GRIN2A: variants seen among roughly 807,000 people sequenced by gnomAD.
GRIN2A encodes glutamate ionotropic receptor NMDA type subunit 2A, also known as glutamate receptor ionotropic, NMDA 2A.
GRIN2A carries 22 observed loss-of-function variants against 113.4 expected under a neutral mutation model. The ratio of observed to expected loss-of-function variants is 0.19; its 90% CI spans 0.14 to 0.28. The LOEUF is 0.28. GRIN2A is among the 10% of genes least tolerant of loss of function. GRIN2A has a pLI of 1.00. For synonymous variants in GRIN2A, 827 were observed against 738.4 expected (o/e 1.12, Z -1.94); for missense variants, 1,502 against 1,887.0 (o/e 0.80, Z 3.78).
At chr16:10,173,062 CCT>C (rs1411777818) in intron 2 of GRIN2A, among the ~76,000 whole-genome samples, 1 of 152,158 alleles carries the variant, frequency 6.6e-6, no homozygotes, top group African/African-American at 2.4e-5. Flanking sequence ...GTCAGCAACC[CCT>C]GAGGGCTACT....
In GRIN2A at chr16:10,116,904, C is replaced by T. The variant is rs1471435879; in HGVS notation, c.414+63094G>A. On this transcript the variant is annotated intron_variant, in intron 2 of 12. Coordinates refer to ENST00000330684, the MANE Select transcript of GRIN2A (RefSeq NM_001134407.3). ...CAAACACAATCGTATGGCCAGAGAA[C>T]ATTCTTAGGCAGAGAGATGCCTGTG... Among the ~76,000 whole-genome samples, 9 of 152,166 alleles carry T rather than the reference C, an allele frequency of 5.9e-5. No individual in the cohort carries two copies. The East Asian group carries it at 1.7e-3, about 29-fold the overall frequency.
At chr16:9,867,326 A>G (rs114338914) in intron 4 of GRIN2A, among the ~76,000 whole-genome samples, 1,849 of 152,234 alleles carry the variant, frequency 0.012, 56 homozygotes, top group African/African-American at 0.043. Flanking sequence ...AAACTATTTC[A>G]AACCTTCACA....
At chr16:9,863,699 C>T (rs1212564478) in intron 4 of GRIN2A, among the ~76,000 whole-genome samples, 2 of 152,160 alleles carry the variant, frequency 1.3e-5, no homozygotes, top group African/African-American at 2.4e-5. Context: ...TTCTCCCTTG[C>T]CTCTGTGGTC....
chr16:10,020,322 GA>G (rs911559961), intron 2 of GRIN2A, among the ~76,000 whole-genome samples: 37 of 152,292 alleles, frequency 2.4e-4, no homozygotes, highest in African/African-American at 8.7e-4. Flanking sequence ...GAGGCTCATT[GA>G]AACTCTTTGG....
chr16:9,962,934 T>A (rs1217907377), intron 2 of GRIN2A, among the ~76,000 whole-genome samples: 1 of 151,948 alleles, frequency 6.6e-6, no homozygotes, highest in African/African-American at 2.4e-5. Context: ...TGGAATACTA[T>A]GCAGCCATAA....
intron 2 of GRIN2A, among the ~76,000 whole-genome samples, chr16:10,105,384 G>C (rs2048478266): frequency 6.6e-6 from 1 of 152,130 alleles, no homozygotes; most frequent in Admixed American, 6.5e-5. Context: ...ATCTGGCCAA[G>C]AGAGTTGTGG....
rs1011585718 is a variant in GRIN2A at position 9,759,061 on chromosome 16, G to A, written c.*4088C>T. The A allele has an allele frequency of 9.1e-6, 2 of 219,586 alleles. No homozygotes were observed. Among genetic ancestry groups the A allele is most frequent in the Non-Finnish European group, 1.8e-5 (2 of 109,542 alleles). 13.6% of individuals were successfully genotyped at this position (219,586 alleles called of 1,614,324 possible). A position where few individuals can be genotyped will look rare whatever the true frequency, so the allele number is the denominator to read the frequency against. ...GAAACAACGCATGTCCCCTTTTCAAGGATTCATGCACAACAGCTATGCACA... is the reference window on the plus strand; with the variant it reads ...GAAACAACGCATGTCCCCTTTTCAAAGATTCATGCACAACAGCTATGCACA... On this transcript the variant is annotated 3_prime_UTR_variant, in exon 13 of 13. Transcript: ENST00000330684.
intron 2 of GRIN2A, among the ~76,000 whole-genome samples, chr16:10,025,639 G>A (rs1434291115): frequency 6.6e-6 from 1 of 152,040 alleles, no homozygotes; most frequent in South Asian, 2.1e-4. Context: ...CAAGGAGGCT[G>A]GAATACCACC....
intron 3 of GRIN2A, among the ~76,000 whole-genome samples, chr16:9,935,618 C>T (rs911169731): frequency 6.6e-6 from 1 of 151,064 alleles, no homozygotes; most frequent in Non-Finnish European, 1.5e-5. Flanking sequence ...AGTCCTAAAG[C>T]CTTCCAGAAA....
chr16:9,958,680 G>C (rs2045361331), intron 2 of GRIN2A, among the ~76,000 whole-genome samples: 2 of 152,094 alleles, frequency 1.3e-5, no homozygotes, highest in Admixed American at 1.3e-4. Context: ...CTGTGTATTA[G>C]GTTTCAGTTG....
intron 2 of GRIN2A, among the ~76,000 whole-genome samples, chr16:10,079,444 T>C (rs186102359): frequency 4.6e-5 from 7 of 152,134 alleles, no homozygotes; most frequent in Admixed American, 6.5e-5. Flanking sequence ...GGTCTGAATG[T>C]CTGTATCCCT....
chr16:10,001,096 T>C (rs1567227280), intron 2 of GRIN2A, among the ~76,000 whole-genome samples: 2 of 152,160 alleles, frequency 1.3e-5, no homozygotes, highest in Admixed American at 6.5e-5. Context: ...TGGGCCCCAA[T>C]TGTCCTGGGC....
intron 4 of GRIN2A, among the ~76,000 whole-genome samples, chr16:9,862,625 A>G (rs2043090537): frequency 6.6e-6 from 1 of 152,180 alleles, no homozygotes; most frequent in Non-Finnish European, 1.5e-5. Flanking sequence ...TTGTTGCCAG[A>G]TCCCTGGGGA....
chr16:9,956,398 C>T (rs757094240), intron 2 of GRIN2A, among the ~76,000 whole-genome samples: 14 of 152,148 alleles, frequency 9.2e-5, no homozygotes, highest in Non-Finnish European at 1.5e-4. Flanking sequence ...AGGAAACTCA[C>T]TTCATTTCAC....
intron 2 of GRIN2A, among the ~76,000 whole-genome samples, chr16:9,993,057 A>C (rs1015345581): frequency 8.4e-6 from 1 of 119,034 alleles, no homozygotes; most frequent in Non-Finnish European, 1.7e-5. Flanking sequence ...CTCTACCAAA[A>C]ATACAAAAAA....
chr16:9,836,148 C>T (rs777740767), intron 7 of GRIN2A, among the ~76,000 whole-genome samples: 65 of 152,022 alleles, frequency 4.3e-4, no homozygotes, highest in Non-Finnish European at 2.5e-4. Context: ...AATAATTCTC[C>T]GAGTTGCGTA....
chr16:9,866,613 T>A (rs1450802101), intron 4 of GRIN2A, among the ~76,000 whole-genome samples: 1 of 152,214 alleles, frequency 6.6e-6, no homozygotes. Flanking sequence ...CTGGGGATAA[T>A]ATTGGTGATT....
chr16:10,069,263 T>C (rs1489285964), intron 2 of GRIN2A, among the ~76,000 whole-genome samples: 1 of 152,086 alleles, frequency 6.6e-6, no homozygotes, highest in Non-Finnish European at 1.5e-5. Context: ...ATCTGAGATA[T>C]ACATTTGAAG....
intron 2 of GRIN2A, among the ~76,000 whole-genome samples, chr16:10,170,402 T>C (rs1050266393): frequency 5.9e-5 from 9 of 152,204 alleles, no homozygotes; most frequent in African/African-American, 1.9e-4. Flanking sequence ...AGAGACCTAA[T>C]GTATAGCATG....
Sources: allele counts gnomAD v4.1 joint callset (sites outside exome capture counted in the v4.1 genomes callset), GRCh38; gene constraint gnomAD v4.1.1; transcripts MANE v1.5; gene names NCBI Gene and HGNC (gene_info 2026-07-23, HGNC 2026-07-21).